CCDC171: variants seen among roughly 807,000 people sequenced by gnomAD.
The protein encoded by CCDC171 is coiled-coil domain containing 171.
A neutral mutation model predicts 168.2 loss-of-function variants in CCDC171; 177 were observed. The ratio of observed to expected loss-of-function variants is 1.05; its 90% CI spans 0.93 to 1.19. CCDC171 has a LOEUF of 1.19. CCDC171 is among the 50% of genes most tolerant of loss of function. CCDC171 has a pLI of 0.00. For synonymous variants in CCDC171, 687 were observed against 540.8 expected (o/e 1.27, Z -3.75); for missense variants, 1,991 against 1,539.0 (o/e 1.29, Z -4.91).
At chr9:15,568,514 C>T (rs935376969) in intron 2 of CCDC171, among the ~76,000 whole-genome samples, 1 of 152,226 alleles carries the variant, frequency 6.6e-6, no homozygotes, top group African/African-American at 2.4e-5. Flanking sequence ...TCGTGATCCA[C>T]CCGCCTTGGC....
intron 25 of CCDC171, chr9:15,922,124 T>C: frequency 5.3e-6 from 2 of 379,214 alleles, no homozygotes; most frequent in South Asian, 2.1e-5. Flanking sequence ...ACATTCATCA[T>C]TTCATTTAGA....
In CCDC171 at chr9:15,784,610, A is replaced by G; in HGVS notation, c.3183A>G (p.Gln1061=). The change falls in exon 21 of 26, where the codon CAA becomes CAG. Residue 1061 remains glutamine (Q), a synonymous_variant. Coordinates refer to ENST00000380701, the MANE Select transcript of CCDC171 (RefSeq NM_173550.4). ...AAATGCTATTGAATGAACAGGCACAACAACTACAGGAATTGAATTATAAAC... is the reference window on the plus strand; with the variant it reads ...AAATGCTATTGAATGAACAGGCACAGCAACTACAGGAATTGAATTATAAAC... ...QAQMLLNEQA[Q]QLQELNYKLE... 1.9e-6 allele frequency: 3 copies of G among 1,613,418 alleles called. 1 individual carries two copies. The South Asian group carries it at 3.3e-5, about 18-fold the overall frequency.
At chr9:16,049,924 TCA>T (rs755940261) in intron 1 of CCDC171, among the ~76,000 whole-genome samples, 22 of 152,212 alleles carry the variant, frequency 1.4e-4, no homozygotes, top group Non-Finnish European at 1.9e-4. Flanking sequence ...TCTTACTCTG[TCA>T]CACAGGCTGG....
intron 3 of CCDC171, among the ~76,000 whole-genome samples, chr9:16,017,585 A>G (rs1032767211): frequency 5.9e-5 from 9 of 152,192 alleles, no homozygotes; most frequent in African/African-American, 2.2e-4. Context: ...CTCATCACTT[A>G]CCAAAAAGCT....
At chr9:16,038,832 A>G (rs1341532284), upstream of CCDC171, among the ~76,000 whole-genome samples, 1 of 151,104 alleles carries the variant, frequency 6.6e-6, no homozygotes, top group Non-Finnish European at 1.5e-5. Context: ...AAAGAACAAA[A>G]ACAGAAAAAA....
At chr9:15,869,178 G>T (rs1467232483) in intron 23 of CCDC171, among the ~76,000 whole-genome samples, 1 of 151,966 alleles carries the variant, frequency 6.6e-6, no homozygotes, top group African/African-American at 2.4e-5. Flanking sequence ...ACTGAACTTT[G>T]AAAAGTATGA....
the CCDC171 span, among the ~76,000 whole-genome samples, chr9:16,081,866 A>C: frequency 1.3e-5 from 2 of 151,812 alleles, no homozygotes; most frequent in East Asian, 1.9e-4. Flanking sequence ...AAAAAAAAAA[A>C]CCCAGGACAG....
At chr9:15,995,958 GT>G (rs1438462172) in intron 3 of CCDC171, among the ~76,000 whole-genome samples, 3 of 152,066 alleles carry the variant, frequency 2.0e-5, no homozygotes, top group African/African-American at 7.2e-5. Flanking sequence ...ATTAACTTCT[GT>G]TTATCACTTT....
chr9:16,104,708 G>A, the CCDC171 span, among the ~76,000 whole-genome samples: 6 of 148,968 alleles, frequency 4.0e-5, no homozygotes, highest in Non-Finnish European at 5.9e-5. Flanking sequence ...GTTCACCCAA[G>A]CCTTCATTTA....
chr9:15,909,731 A>G (rs755840149), intron 24 of CCDC171, among the ~76,000 whole-genome samples: 2 of 152,240 alleles, frequency 1.3e-5, no homozygotes, highest in Non-Finnish European at 2.9e-5. Context: ...TAAATGAGCA[A>G]CCATATCAGA....
chr9:15,961,762 A>G (rs1263658384), intron 25 of CCDC171, among the ~76,000 whole-genome samples: 1 of 152,158 alleles, frequency 6.6e-6, no homozygotes, highest in Non-Finnish European at 1.5e-5. Context: ...ATTTTTTAAT[A>G]AAGGGTTTTT....
chr9:15,625,982 CTT>C (rs1357174999), intron 7 of CCDC171, among the ~76,000 whole-genome samples: 1 of 152,144 alleles, frequency 6.6e-6, no homozygotes, highest in Admixed American at 6.5e-5. Context: ...TTTGTGTTCT[CTT>C]TCATTTCATT....
Position 15,846,795 on chromosome 9 carries a change from C to A in CCDC171, c.3361C>A (p.Arg1121=), listed in dbSNP as rs140792485. 1 of 1,611,388 alleles carries A rather than the reference C, an allele frequency of 6.2e-7. No homozygotes were observed. Among genetic ancestry groups the A allele is most frequent in the East Asian group, 2.2e-5 (1 of 44,824 alleles). ...TACCCAGCTGGAGCAGGACAAGCGT[C>A]GACTGGAGGAGAACATCCATGATGC... ...HLTQLEQDKR[R]LEENIHDAES... Residue 1121 remains arginine, a synonymous_variant, in exon 22 of 26, where the codon CGA becomes AGA. Transcript: ENST00000380701.
At chr9:15,653,479 A>G (rs1228898187) in intron 7 of CCDC171, among the ~76,000 whole-genome samples, 1 of 151,800 alleles carries the variant, frequency 6.6e-6, no homozygotes, top group Non-Finnish European at 1.5e-5. Flanking sequence ...TACCATTGCC[A>G]TACTACCCCC....
At chr9:15,613,448 T>G (rs1006584721) in intron 6 of CCDC171, among the ~76,000 whole-genome samples, 2 of 152,002 alleles carry the variant, frequency 1.3e-5, no homozygotes, top group Non-Finnish European at 2.9e-5. Flanking sequence ...AACATTGAAA[T>G]AAATGTTATC....
At chr9:15,723,008 T>C (rs2053584659) in intron 12 of CCDC171, among the ~76,000 whole-genome samples, 1 of 152,156 alleles carries the variant, frequency 6.6e-6, no homozygotes, top group South Asian at 2.1e-4. Flanking sequence ...CTCAGCACAG[T>C]TGAAAAGTCG....
At chr9:15,726,817 T>C (rs1209022314) in intron 14 of CCDC171, among the ~76,000 whole-genome samples, 1 of 152,126 alleles carries the variant, frequency 6.6e-6, no homozygotes, top group Admixed American at 6.5e-5. Context: ...TTCCTGCTGA[T>C]CTATTAAAAA....
chr9:15,913,902 C>T (rs1421944994), intron 24 of CCDC171, among the ~76,000 whole-genome samples: 5 of 152,226 alleles, frequency 3.3e-5, no homozygotes, highest in East Asian at 3.8e-4. Flanking sequence ...TCAGGTCCCT[C>T]TTCTGCAGGT....
At chr9:16,101,392 T>A in the CCDC171 span, among the ~76,000 whole-genome samples, 1 of 152,232 alleles carries the variant, frequency 6.6e-6, no homozygotes. Flanking sequence ...TTTCTTCTAT[T>A]AGGCAGAATT....
Sources: gnomAD v4.1 joint callset for allele counts (sites outside exome capture counted in the v4.1 genomes callset) on GRCh38, gnomAD v4.1.1 for gene constraint, MANE v1.5 for transcripts, NCBI Gene and HGNC (gene_info 2026-07-23, HGNC 2026-07-21) for gene names.